E2F7: variants seen among roughly 807,000 people sequenced by gnomAD.
E2F7 encodes transcription factor E2F7.
Under a neutral mutation model 81.1 loss-of-function variants are expected in E2F7, and 35 were observed. The observed-to-expected ratio is 0.43, with a 90% CI of 0.33 to 0.57. The LOEUF (loss-of-function observed/expected upper bound fraction) is 0.57, where lower values mean the gene tolerates loss of function less well. E2F7 is among the 20% of genes least tolerant of loss of function. The probability of loss-of-function intolerance (pLI) is 0.04; values close to 1 mark genes in which losing one functional copy is unlikely to be tolerated. For synonymous variants in E2F7, 416 were observed against 416.2 expected (o/e 1.00, Z 0.01); for missense variants, 961 against 1,093.7 (o/e 0.88, Z 1.71).
intron 3 of E2F7, 91 bp from the exon 4 acceptor site, chr12:77,050,835 G>A: frequency 1.5e-6 from 2 of 1,318,910 alleles, no homozygotes; most frequent in South Asian, 1.3e-5. Flanking sequence ...AAACTGGGGG[G>A]ACATCTCAAT....
intron 12 of E2F7, among the ~76,000 whole-genome samples, chr12:77,025,017 A>G (rs562657662): frequency 2.0e-5 from 3 of 152,146 alleles, no homozygotes; most frequent in Non-Finnish European, 2.9e-5. Flanking sequence ...GTATATTTGT[A>G]TGTTTTCTGC....
At position 77,029,842 on chromosome 12, in the gene E2F7, C is replaced by CAAGCGACA; in HGVS notation, c.1865_1872dup (p.Val625CysfsTer34). 6.2e-7 allele frequency: 1 copy of CAAGCGACA among 1,614,126 alleles called. No individual in the cohort carries two copies. Among genetic ancestry groups the CAAGCGACA allele is most frequent in the Non-Finnish European group, 8.5e-7 (1 of 1,179,968 alleles). ...CTGCACTCCCTTACCTTGGGCATGA[C>CAAGCGACA]AAGCGACAGCGGGCCGTCTTCATAT... On this transcript the variant is annotated frameshift_variant, in exon 10 of 13. Transcript: ENST00000322886. LOFTEE classifies it high-confidence loss of function.
In E2F7 at chr12:77,033,510, CAAAAGA is replaced by C. The variant is rs945745968; in HGVS notation, c.1309+341_1309+346del. The stretch of plus-strand genomic sequence containing the variant: ...CTGGGTGACAGAGTGACCTTTCTCT[CAAAAGA>C]AAAAGAAAAAGAAAAAAGAAGTATT... On this transcript the variant is annotated intron_variant, in intron 8 of 12. Coordinates refer to ENST00000322886, the MANE Select transcript of E2F7 (RefSeq NM_203394.3). 1.1e-4 allele frequency among the ~76,000 whole-genome samples: 17 copies of C among 151,812 alleles called. No homozygotes were observed. The South Asian group carries it at 1.5e-3, about 13-fold the overall frequency.
chr12:77,024,566 T>A (rs560413567), intron 12 of E2F7, among the ~76,000 whole-genome samples: 1 of 152,254 alleles, frequency 6.6e-6, no homozygotes, highest in African/African-American at 2.4e-5. Context: ...TAAAGCACTT[T>A]AGAGCATGTG....
At position 77,027,012 on chromosome 12, in the gene E2F7, G is replaced by A. The variant is rs186109513; in HGVS notation, c.2140+871C>T. Among the ~76,000 whole-genome samples, 839 of 152,282 alleles carry A rather than the reference G, an allele frequency of 5.5e-3. 9 individuals are homozygous for A. Among genetic ancestry groups the A allele is most frequent in the African/African-American group, 0.019 (804 of 41,556 alleles). On this transcript the variant is annotated intron_variant, in intron 11 of 12. Coordinates refer to ENST00000322886, the MANE Select transcript of E2F7 (RefSeq NM_203394.3). ...TGTGCTGGGCTGTAATTTTCATTCA[G>A]CAGGGGCTGAATCTATTTTTGTTCA...
rs1197715205 is a variant in E2F7, at chr12:77,043,121, T to C, written c.1067A>G (p.Glu356Gly). 6.2e-7 allele frequency: 1 copy of C among 1,614,084 alleles called. No homozygotes were observed. The highest frequency in any genetic ancestry group is 1.3e-5 in the African/African-American group (1 of 74,936). Residue 356 changes from glutamate (E) to glycine (G), a missense_variant, in exon 7 of 13, where the codon GAG (glutamate) becomes GGG (glycine). This residue lies in a region of E2F7 where 301 missense variants were observed against 405.0 expected (regional missense o/e 0.74). Coordinates refer to ENST00000322886, the MANE Select transcript of E2F7 (RefSeq NM_203394.3). ...ALIKKVHVTE[E>G]RGRKPAFKWI... is the part of the protein sequence containing the mutation. ...CTTGAAGGCTGGTTTACGACCTCGC[T>C]CTTCTGTTACATGCACTTTCTTTAT...
At chr12:77,037,143 T>C (rs1954858064) in intron 7 of E2F7, among the ~76,000 whole-genome samples, 1 of 152,162 alleles carries the variant, frequency 6.6e-6, no homozygotes, top group Non-Finnish European at 1.5e-5. Flanking sequence ...GAATTCATCA[T>C]TGGCAGGCTT....
chr12:77,040,173 G>T (rs1954883662), intron 7 of E2F7, among the ~76,000 whole-genome samples: 1 of 152,132 alleles, frequency 6.6e-6, no homozygotes, highest in Admixed American at 6.5e-5. Flanking sequence ...TCTTTTTAAA[G>T]AAACCTTGTT....
rs761319850 is a variant in E2F7, at chr12:77,046,031, G to C, written c.829+7C>G. 6.2e-7 allele frequency: 1 copy of C among 1,610,940 alleles called. No individual in the cohort carries two copies. The highest frequency in any genetic ancestry group is 8.5e-7 in the Non-Finnish European group (1 of 1,178,232). On this transcript the variant is annotated splice_region_variant and intron_variant, in intron 5 of 12. Transcript: ENST00000322886. ...TGCCATTACTCATGAAGTTACAATGGACTCACAAGAGGGACAGTCGGGTTC... is the reference window on the plus strand; with the variant it reads ...TGCCATTACTCATGAAGTTACAATGCACTCACAAGAGGGACAGTCGGGTTC...
intron 5 of E2F7, 122 bp downstream of exon 5, chr12:77,045,916 A>G (rs80231138): frequency 0.051 from 63,183 of 1,244,886 alleles, 1,928 homozygotes; most frequent in Non-Finnish European, 0.058. Context: ...AGTGAGGAGA[A>G]TAAGAGAACA....
At chr12:77,033,254 T>C (rs939446772) in intron 8 of E2F7, 132 bp from the exon 9 acceptor site, 19 of 824,026 alleles carry the variant, frequency 2.3e-5, no homozygotes, top group Middle Eastern at 5.8e-4. Context: ...TGGTTTTGAT[T>C]CAAAGAGAAA....
intron 7 of E2F7, among the ~76,000 whole-genome samples, chr12:77,039,696 A>G (rs983918938): frequency 5.3e-5 from 8 of 152,230 alleles, no homozygotes; most frequent in Non-Finnish European, 7.3e-5. Flanking sequence ...GAACTCTCAT[A>G]TACTGTTGGT....
chr12:77,060,288 G>C (rs1383919856), intron 2 of E2F7, among the ~76,000 whole-genome samples: 3 of 152,040 alleles, frequency 2.0e-5, no homozygotes, highest in African/African-American at 7.3e-5. Context: ...ATATACCTTG[G>C]CTTACCTACC....
chr12:77,036,721 C>T (rs1258695621), intron 7 of E2F7, among the ~76,000 whole-genome samples: 1 of 151,612 alleles, frequency 6.6e-6, no homozygotes, highest in Non-Finnish European at 1.5e-5. Flanking sequence ...GCGATACCAC[C>T]TGGCGTCAAC....
intron 7 of E2F7, among the ~76,000 whole-genome samples, chr12:77,034,677 A>G (rs1954834241): frequency 6.6e-6 from 1 of 152,186 alleles, no homozygotes; most frequent in Non-Finnish European, 1.5e-5. Flanking sequence ...TTAAGACACA[A>G]CTTTCTATAT....
chr12:77,053,416 C>T (rs1955006060), intron 3 of E2F7, among the ~76,000 whole-genome samples: 1 of 152,058 alleles, frequency 6.6e-6, no homozygotes, highest in African/African-American at 2.4e-5. Flanking sequence ...TTGCAATATC[C>T]ACATTGTGTA....
Position 77,021,351 on chromosome 12 carries a change from G to C in E2F7, c.*2664C>G, listed in dbSNP as rs1954708614. The C allele has an allele frequency of 6.6e-6, 1 of 152,534 alleles. No homozygotes were observed. Among genetic ancestry groups the C allele is most frequent in the Admixed American group, 6.6e-5 (1 of 15,264 alleles). The allele number at this position is 152,534 out of a possible 1,614,324, so 9.4% of individuals were successfully genotyped here. ...AAAAAATCAGTTTACATGTAGTACA[G>C]TTACAAGTAAATAGCTATAGATAAT... On this transcript the variant is annotated 3_prime_UTR_variant, in exon 13 of 13. Coordinates refer to ENST00000322886, the MANE Select transcript of E2F7 (RefSeq NM_203394.3).
intron 7 of E2F7, among the ~76,000 whole-genome samples, chr12:77,038,779 A>G (rs1395233172): frequency 6.6e-6 from 1 of 152,228 alleles, no homozygotes; most frequent in Non-Finnish European, 1.5e-5. Flanking sequence ...AGCTATTAAA[A>G]AATTGTAATC....
rs372824393 is a variant in E2F7, at chr12:77,030,239, A to G, written c.1476T>C (p.Tyr492=). The change falls in exon 10 of 13, where the codon TAT becomes TAC. Residue 492 remains tyrosine (Y), a synonymous_variant. Coordinates refer to ENST00000322886, the MANE Select transcript of E2F7 (RefSeq NM_203394.3). The part of the protein sequence containing the change: ...PFPVLSVDPE[Y]CVNPLAHPVF... Reference sequence around the variant, plus strand: ...CTGGGTGGGCTAAAGGATTAACACAATATTCTGGGTCAACAGAGAGGACAG... The same window carrying G: ...CTGGGTGGGCTAAAGGATTAACACAGTATTCTGGGTCAACAGAGAGGACAG... The G allele has an allele frequency of 8.7e-6, 14 of 1,613,548 alleles. No homozygotes were observed. The highest frequency in any genetic ancestry group is 1.0e-5 in the Non-Finnish European group (12 of 1,179,728).
Sources: gnomAD v4.1 joint callset for allele counts (sites outside exome capture counted in the v4.1 genomes callset) on GRCh38, gnomAD v4.1.1 for gene constraint, gnomAD v4.1.1 regional missense constraint, MANE v1.5 for transcripts, NCBI Gene and HGNC (gene_info 2026-07-23, HGNC 2026-07-21) for gene names.